Variants in TCHH observed in about 807,000 individuals in gnomAD.
The protein encoded by TCHH is trichohyalin.
Under a neutral mutation model 6.3 loss-of-function variants are expected in TCHH, and 6 were observed. The ratio of observed to expected loss-of-function variants is 0.95; its 90% CI spans 0.52 to 1.88. TCHH has a LOEUF of 1.88. Ranked by LOEUF, TCHH falls within the 40% of genes most tolerant of loss-of-function variation. The probability of loss-of-function intolerance (pLI) is 0.01; values close to 1 mark genes in which losing one functional copy is unlikely to be tolerated. For missense variants in TCHH, 2,920 were observed against 2,449.1 expected (o/e 1.19, Z -4.06); for synonymous variants, 1,087 against 963.6 (o/e 1.13, Z -2.37).
At position 152,108,990 on chromosome 1, in the gene TCHH, ACGCAGCTGTTGCTCGCGCTCCTGGCAG is replaced by A; in HGVS notation, c.4200_4226del (p.Cys1401_Arg1409del). On this transcript the variant is annotated inframe_deletion, in exon 3 of 3. Coordinates refer to ENST00000614923, the MANE Select transcript of TCHH (RefSeq NM_007113.4). ...CGCGGAATTTTCTGTCGCGGTCCTG[ACGCAGCTGTTGCTCGCGCTCCTGGCAG>A]CGCAGCTGCTGTTCCTCCTTAAGGA... is the stretch of plus-strand genomic sequence containing the variant. The A allele has an allele frequency of 6.2e-7, 1 of 1,600,348 alleles. No homozygotes were observed. Among genetic ancestry groups the A allele is most frequent in the South Asian group, 1.1e-5 (1 of 90,512 alleles).
Position 152,108,317 on chromosome 1 carries a change from G to C in TCHH, c.4900C>G (p.Gln1634Glu). 6.2e-7 allele frequency: 1 copy of C among 1,611,916 alleles called. No individual in the cohort carries two copies. The highest frequency in any genetic ancestry group is 1.1e-5 in the South Asian group (1 of 91,004). Residue 1634 changes from glutamine to glutamate, a missense_variant, in exon 3 of 3, where the codon CAG becomes GAG. Transcript: ENST00000614923. Reference protein sequence around the residue: ...DEQLLQEREEQQLHRQERDRK... With the variant: ...DEQLLQEREEEQLHRQERDRK... ...TCACGCTCTTGGCGGTGCAGCTGCT[G>C]TTCTTCCCTTTCCTGGAGCAGCTGT... is the stretch of plus-strand genomic sequence containing the variant.
In TCHH at chr1:152,109,588, C is replaced by T. The variant is rs1658245929; in HGVS notation, c.3629G>A (p.Arg1210Lys). The stretch of plus-strand genomic sequence containing the variant: ...ATCCTCATCCCGGTATCGCTGCTTC[C>T]TTTTCTGGCGCTGAAGCTCTTCCTC... ...REEEELQRQK[R>K]KQRYRDEDQR... Residue 1210 changes from arginine (R) to lysine (K), a missense_variant, in exon 3 of 3, where the codon AGG becomes AAG. Transcript: ENST00000614923. 1 of 1,614,112 alleles carries T rather than the reference C, an allele frequency of 6.2e-7. No individual in the cohort carries two copies. Among genetic ancestry groups the T allele is most frequent in the Admixed American group, 1.7e-5 (1 of 60,012 alleles).
rs1658306381 is a variant in TCHH, at chr1:152,110,659, T to G, written c.2558A>C (p.Glu853Ala). ...RERAQQLQEE[E>A]DGLQEDQERR... ...CTCCTGATCCTCCTGGAGGCCGTCC[T>G]CCTCCTCCTGGAGCTGTTGGGCACG... The change falls in exon 3 of 3, where the codon GAG (glutamate) becomes GCG (alanine). Residue 853 changes from glutamate to alanine, a missense_variant. Glu to Ala is a moderately radical substitution (Grantham distance 107). Transcript: ENST00000614923. 1.2e-6 allele frequency: 2 copies of G among 1,613,392 alleles called. No individual in the cohort carries two copies. The highest frequency in any genetic ancestry group is 1.7e-5 in the Admixed American group (1 of 59,968).
rs756237056 is a variant in TCHH at position 152,109,530 on chromosome 1, T to TG, written c.3686dup (p.Glu1230ArgfsTer8). On this transcript the variant is annotated frameshift_variant, in exon 3 of 3. Coordinates refer to ENST00000614923, the MANE Select transcript of TCHH (RefSeq NM_007113.4). LOFTEE classifies it low-confidence loss of function (END_TRUNC). The stretch of plus-strand genomic sequence containing the variant: ...TATCACGAACTGCATTTTCTTTTTC[T>TG]GGTTCCCACTGCCATTTCAGATCAC... 6.2e-7 allele frequency: 1 copy of TG among 1,614,274 alleles called. No homozygotes were observed. The highest frequency in any genetic ancestry group is 8.5e-7 in the Non-Finnish European group (1 of 1,180,046).
At position 152,108,861 on chromosome 1, in the gene TCHH, TTCC is replaced by T; in HGVS notation, c.4353_4355del (p.Glu1452del). On this transcript the variant is annotated inframe_deletion, in exon 3 of 3. Transcript: ENST00000614923. Reference sequence around the variant, plus strand: ...TGTGACGCTCCTGGCGCAGCTGCTGTTCCTCCTCCAGGAATTTTCTCTCTCGTT... The same window carrying T: ...TGTGACGCTCCTGGCGCAGCTGCTGTTCCTCCAGGAATTTTCTCTCTCGTT... 1 of 1,607,762 alleles carries T rather than the reference TTCC, an allele frequency of 6.2e-7. No individual in the cohort carries two copies. Among genetic ancestry groups the T allele is most frequent in the Non-Finnish European group, 8.5e-7 (1 of 1,177,948 alleles).
rs776113438 is a variant in TCHH at position 152,112,564 on chromosome 1, A to C, written c.653T>G (p.Leu218Arg). 6.2e-7 allele frequency: 1 copy of C among 1,612,618 alleles called. No homozygotes were observed. Among genetic ancestry groups the C allele is most frequent in the African/African-American group, 1.3e-5 (1 of 74,630 alleles). ...EQLRRRELLE[L>R]RRKGREEKQQ... Reference sequence around the variant, plus strand: ...TTTCTCCTCGCGGCCCTTCCTCCTCAGCTCCAGCAGCTCCCGCCTTCGCAG... The same window carrying C: ...TTTCTCCTCGCGGCCCTTCCTCCTCCGCTCCAGCAGCTCCCGCCTTCGCAG... The change falls in exon 3 of 3, where the codon CTG becomes CGG. Residue 218 changes from leucine to arginine, a missense_variant. Leu to Arg is a moderately radical substitution (Grantham distance 102). Transcript: ENST00000614923.
At position 152,110,953 on chromosome 1, in the gene TCHH, T is replaced by C. The variant is rs760778148; in HGVS notation, c.2264A>G (p.His755Arg). The change falls in exon 3 of 3, where the codon CAC becomes CGC. Residue 755 changes from histidine to arginine, a missense_variant. Physicochemically the swap from His to Arg is conservative, Grantham distance 29. Coordinates refer to ENST00000614923, the MANE Select transcript of TCHH (RefSeq NM_007113.4). Reference sequence around the variant, plus strand: ...CTGCTCCTCTTCCTGCTGCTGCCGGTGAGCCCGTTCCTCCTCCTGCCATTG... The same window carrying C: ...CTGCTCCTCTTCCTGCTGCTGCCGGCGAGCCCGTTCCTCCTCCTGCCATTG... ...ELQWQEEERA[H>R]RQQQEEEQRR... The C allele has an allele frequency of 1.9e-6, 3 of 1,613,176 alleles. No individual in the cohort carries two copies. The highest frequency in any genetic ancestry group is 2.2e-5 in the East Asian group (1 of 44,840).
Position 152,111,728 on chromosome 1 carries a change from G to GCCTCTCCTGCTGCTCGCA in TCHH, c.1488_1489insTGCGAGCAGCAGGAGAGG (p.Arg496_Arg497insCysGluGlnGlnGluArg). 3 of 1,594,040 alleles carry GCCTCTCCTGCTGCTCGCA rather than the reference G, an allele frequency of 1.9e-6. No individual in the cohort carries two copies. The highest frequency in any genetic ancestry group is 3.4e-4 in the Middle Eastern group (2 of 5,964). Reference sequence around the variant, plus strand: ...TGCTCGCGCCTCTCCTGCTGCTCGCGCCTCTCCTCCTCCTCGAGCTTCAGC... The same window carrying GCCTCTCCTGCTGCTCGCA: ...TGCTCGCGCCTCTCCTGCTGCTCGCGCCTCTCCTGCTGCTCGCACCTCTCCTCCTCCTCGAGCTTCAGC... On this transcript the variant is annotated inframe_insertion, in exon 3 of 3. Transcript: ENST00000614923.
chr1:152,108,251 C>T lies in TCHH; in HGVS notation c.4966G>A (p.Glu1656Lys), dbSNP rs771576939. The stretch of plus-strand genomic sequence containing the variant: ...TCGTGACGCAGCTGTTGTTCGCGCT[C>T]CTGGCGGCGCAGCTGCGGTTCCTCC... ...LEEEPQLRRQ[E>K]REQQLRHDRD... Residue 1656 changes from glutamate to lysine, a missense_variant, in exon 3 of 3, where the codon GAG becomes AAG. Transcript: ENST00000614923. 3 of 1,613,198 alleles carry T rather than the reference C, an allele frequency of 1.9e-6. No individual in the cohort carries two copies. The highest frequency in any genetic ancestry group is 1.1e-5 in the South Asian group (1 of 90,962).
chr1:152,108,886 C>A lies in TCHH; in HGVS notation c.4331G>T (p.Arg1444Leu). 1.2e-6 allele frequency: 2 copies of A among 1,604,326 alleles called. No homozygotes were observed. The highest frequency in any genetic ancestry group is 1.7e-6 in the Non-Finnish European group (2 of 1,176,540). Residue 1444 changes from arginine (R) to leucine (L), a missense_variant, in exon 3 of 3, where the codon CGA becomes CTA. Arg to Leu is a moderately radical substitution (Grantham distance 102). Transcript: ENST00000614923. The stretch of plus-strand genomic sequence containing the variant: ...TTCCTCCTCCAGGAATTTTCTCTCT[C>A]GTTCCTGGCGGCGCACCTGCTGTTC... The part of the protein sequence containing the change: ...EEEQQVRRQE[R>L]ERKFLEEEQQ...
Position 152,109,418 on chromosome 1 carries a change from G to T in TCHH, c.3799C>A (p.Leu1267Met). ...TGCTGTTCACCCAGCAGGTGCTGCA[G>T]ATCTTGCTGGGATTGTCTGTCGCGC... ...QLRDRQSQQDLQHLLGEQQER... is the reference protein window; with the variant it reads ...QLRDRQSQQDMQHLLGEQQER... The change falls in exon 3 of 3, where the codon CTG becomes ATG. Residue 1267 changes from leucine (L) to methionine (M), a missense_variant. By Grantham distance (15) the Leu-to-Met change is conservative (BLOSUM62 2). Transcript: ENST00000614923. 2.5e-6 allele frequency: 4 copies of T among 1,613,540 alleles called. No homozygotes were observed. The highest frequency in any genetic ancestry group is 1.1e-5 in the South Asian group (1 of 91,046).
chr1:152,113,910 G>T, intron 2 of TCHH, 33 bp downstream of exon 2: 1 of 1,601,042 alleles, frequency 6.2e-7, no homozygotes, highest in African/African-American at 1.4e-5. Flanking sequence ...ATAGCCTCAA[G>T]TCAATAGATC....
chr1:152,108,516 C>A lies in TCHH; in HGVS notation c.4701G>T (p.Arg1567Ser). The stretch of plus-strand genomic sequence containing the variant: ...CTTGGCGGCTCAGCTGCTGTTCCTC[C>A]CTCTCCTGGCGCAGCTGTTCCTCCT... The part of the protein sequence containing the change: ...FREEEQLRQE[R>S]EEQQLSRQER... The change falls in exon 3 of 3, where the codon AGG (arginine) becomes AGT (serine). Residue 1567 changes from arginine to serine, a missense_variant. Arg to Ser is a moderately radical substitution (Grantham distance 110). Coordinates refer to ENST00000614923, the MANE Select transcript of TCHH (RefSeq NM_007113.4). 5 of 1,610,788 alleles carry A rather than the reference C, an allele frequency of 3.1e-6. No individual in the cohort carries two copies. Among genetic ancestry groups the A allele is most frequent in the Non-Finnish European group, 3.4e-6 (4 of 1,179,204 alleles).
rs770944168 is a variant in TCHH, at chr1:152,114,058, A to G, written c.23T>C (p.Ile8Thr). The change falls in exon 2 of 3, where the codon ATC (isoleucine) becomes ACC (threonine). Residue 8 changes from isoleucine (I) to threonine (T), a missense_variant. Transcript: ENST00000614923. ...ATTGAAAATTTCAGTGATGTCACAG[A>G]TGCTTCTCAGAAGTGGAGACATTTT... The part of the protein sequence containing the change: MSPLLRS[I>T]CDITEIFNQY... 1 of 1,612,956 alleles carries G rather than the reference A, an allele frequency of 6.2e-7. No homozygotes were observed. Among genetic ancestry groups the G allele is most frequent in the Non-Finnish European group, 8.5e-7 (1 of 1,179,672 alleles).
Position 152,108,691 on chromosome 1 carries a change from C to T in TCHH, c.4526G>A (p.Arg1509His). The T allele has an allele frequency of 1.9e-6, 3 of 1,604,910 alleles. No individual in the cohort carries two copies. The highest frequency in any genetic ancestry group is 2.5e-6 in the Non-Finnish European group (3 of 1,178,386). Reference protein sequence around the residue: ...RDRKFREQELRSQEPERKFLE... With the variant: ...RDRKFREQELHSQEPERKFLE... ...GAATTTTCTCTCTGGTTCCTGACTG[C>T]GCAGTTCCTGTTCGCGGAATTTTCT... is the stretch of plus-strand genomic sequence containing the variant. The change falls in exon 3 of 3, where the codon CGC (arginine) becomes CAC (histidine). Residue 1509 changes from arginine (R) to histidine (H), a missense_variant. Transcript: ENST00000614923.
chr1:152,110,385 C>A lies in TCHH; in HGVS notation c.2832G>T (p.Leu944=). The A allele has an allele frequency of 6.2e-7, 1 of 1,613,994 alleles. No individual in the cohort carries two copies. The highest frequency in any genetic ancestry group is 8.5e-7 in the Non-Finnish European group (1 of 1,179,964). ...EQLQQEEEQL[L]REEREKRRRQ... ...GTCTTCTTTTCTCCCGTTCCTCTCT[C>A]AGCAGCTGCTCTTCCTCCTGCTGCA... The change falls in exon 3 of 3, where the codon CTG becomes CTT. Residue 944 remains leucine (L), a synonymous_variant. Coordinates refer to ENST00000614923, the MANE Select transcript of TCHH (RefSeq NM_007113.4).
rs531134523 is a variant in TCHH at position 152,108,719 on chromosome 1, C to G, written c.4498G>C (p.Asp1500His). The change falls in exon 3 of 3, where the codon GAC becomes CAC. Residue 1500 changes from aspartate to histidine, a missense_variant. Coordinates refer to ENST00000614923, the MANE Select transcript of TCHH (RefSeq NM_007113.4). ...AGTTCCTGTTCGCGGAATTTTCTGT[C>G]ACGCTCTTGGCGGCGCAGCTGTTGT... Reference protein sequence around the residue: ...EEQQLRRQERDRKFREQELRS... With the variant: ...EEQQLRRQERHRKFREQELRS... 1 of 1,612,204 alleles carries G rather than the reference C, an allele frequency of 6.2e-7. No homozygotes were observed. Among genetic ancestry groups the G allele is most frequent in the Non-Finnish European group, 8.5e-7 (1 of 1,179,592 alleles).
At position 152,108,565 on chromosome 1, in the gene TCHH, T is replaced by C. The variant is rs1348475189; in HGVS notation, c.4652A>G (p.Gln1551Arg). Residue 1551 changes from glutamine (Q) to arginine (R), a missense_variant, in exon 3 of 3, where the codon CAG becomes CGG. Transcript: ENST00000614923. ...CTCGCGGAATTTTCTGTCACGGTCC[T>C]GACGCCGCTGTTGCCCGCGCTCCTG... ...RRQERGQQRR[Q>R]DRDRKFREEE... 2 of 1,610,534 alleles carry C rather than the reference T, an allele frequency of 1.2e-6. No homozygotes were observed. Among genetic ancestry groups the C allele is most frequent in the Non-Finnish European group, 1.7e-6 (2 of 1,179,120 alleles).
rs1208900974 is a variant in TCHH at position 152,108,449 on chromosome 1, G to A, written c.4768C>T (p.Arg1590Cys). The A allele has an allele frequency of 4.3e-6, 7 of 1,613,186 alleles. No homozygotes were observed. Among genetic ancestry groups the A allele is most frequent in the East Asian group, 2.2e-5 (1 of 44,768 alleles). The change falls in exon 3 of 3, where the codon CGC becomes TGC. Residue 1590 changes from arginine (R) to cysteine (C), a missense_variant. Transcript: ENST00000614923. Reference protein sequence around the residue: ...KFRLEEQKVRRQEQERKFMED... With the variant: ...KFRLEEQKVRCQEQERKFMED... ...ATGAATTTTCTCTCTTGTTCCTGGC[G>A]GCGCACTTTCTGTTCCTCTAAACGG...
Sources: gnomAD v4.1 joint callset for allele counts on GRCh38, gnomAD v4.1.1 for gene constraint, MANE v1.5 for transcripts, NCBI Gene and HGNC (gene_info 2026-07-23, HGNC 2026-07-21) for gene names.